The following ARHGEF38 variants were observed in gnomAD, a reference collection of about 807,000 sequenced individuals.
ARHGEF38 encodes the protein Rho guanine nucleotide exchange factor (GEF) 38.
Under a neutral mutation model 79.9 loss-of-function variants are expected in ARHGEF38, and 79 were observed. The observed-to-expected ratio is 0.99, with a 90% CI of 0.82 to 1.19. The LOEUF (loss-of-function observed/expected upper bound fraction) is 1.19, where lower values mean the gene tolerates loss of function less well. Among genes scored for constraint, ARHGEF38 ranks in the 50% most tolerant of loss-of-function variants. The pLI, the probability that ARHGEF38 is intolerant of heterozygous loss-of-function variation, is 0.00. For missense variants in ARHGEF38, 962 were observed against 907.2 expected (o/e 1.06, Z -0.78); for synonymous variants, 366 against 328.3 (o/e 1.11, Z -1.24).
At chr4:105,648,423 G>A in intron 6 of ARHGEF38, 126 bp from the exon 7 acceptor site, 1 of 871,506 alleles carries the variant, frequency 1.1e-6, no homozygotes, top group Non-Finnish European at 1.6e-6. Flanking sequence ...GGCCTCTGCA[G>A]CAGAGGCTCA....
At chr4:105,627,735 C>T (rs1338544959) in intron 3 of ARHGEF38, among the ~76,000 whole-genome samples, 1 of 152,108 alleles carries the variant, frequency 6.6e-6, no homozygotes, top group Non-Finnish European at 1.5e-5. Context: ...CCTAATCATC[C>T]CCTCAAACCC....
intron 8 of ARHGEF38, among the ~76,000 whole-genome samples, chr4:105,655,204 T>C (rs1003414517): frequency 2.0e-5 from 3 of 152,202 alleles, no homozygotes; most frequent in Non-Finnish European, 4.4e-5. Context: ...TTTCCACTAA[T>C]AGATTCAACA....
At position 105,553,170 on chromosome 4, in the gene ARHGEF38, G is replaced by A. The variant is rs1324058457; in HGVS notation, c.196+209G>A. On this transcript the variant is annotated intron_variant, in intron 1 of 13. Transcript: ENST00000420470. The stretch of plus-strand genomic sequence containing the variant: ...GATTCAATGTTAAAGAGTCAATTCC[G>A]AATTACTCTTAATATTGCTGTGTTT... Among the ~76,000 whole-genome samples the A allele has an allele frequency of 3.9e-5, 6 of 152,068 alleles. No individual in the cohort carries two copies. In the South Asian group the frequency reaches 6.2e-4, roughly 16 times the overall value.
intron 13 of ARHGEF38, among the ~76,000 whole-genome samples, chr4:105,676,168 G>T (rs1399283325): frequency 6.6e-6 from 1 of 152,156 alleles, no homozygotes; most frequent in Non-Finnish European, 1.5e-5. Flanking sequence ...ATGAAGTAAT[G>T]AAGTCATCTT....
At chr4:105,671,337 T>C (rs1448549574) in intron 13 of ARHGEF38, among the ~76,000 whole-genome samples, 1 of 152,128 alleles carries the variant, frequency 6.6e-6, no homozygotes, top group African/African-American at 2.4e-5. Flanking sequence ...CCAATAAACT[T>C]ACTGCAAGAT....
intron 2 of ARHGEF38, among the ~76,000 whole-genome samples, chr4:105,590,572 T>C (rs1457504517): frequency 4.6e-5 from 7 of 152,234 alleles, no homozygotes; most frequent in Non-Finnish European, 1.0e-4. Flanking sequence ...TGTATCTTTT[T>C]ATGAGTACTA....
rs1197375576 is a variant in ARHGEF38 at position 105,631,063 on chromosome 4, G to A, written c.656+18G>A. The A allele has an allele frequency of 6.3e-7, 1 of 1,598,132 alleles. No homozygotes were observed. Among genetic ancestry groups the A allele is most frequent in the East Asian group, 2.3e-5 (1 of 44,432 alleles). On this transcript the variant is annotated intron_variant, in intron 4 of 13. Transcript: ENST00000420470. ...TCCTTAAAGTAAGGCCTTTTCAAATGATGATTCCCATCTCCTCTCAGTTGC... is the reference window on the plus strand; with the variant it reads ...TCCTTAAAGTAAGGCCTTTTCAAATAATGATTCCCATCTCCTCTCAGTTGC...
chr4:105,580,985 GT>G (rs1403206371), intron 1 of ARHGEF38, among the ~76,000 whole-genome samples: 1 of 151,990 alleles, frequency 6.6e-6, no homozygotes, highest in East Asian at 1.9e-4. Context: ...TATTCTGTTT[GT>G]TTTTTGGTGG....
intron 3 of ARHGEF38, among the ~76,000 whole-genome samples, chr4:105,618,178 ATAAAG>A (rs1258581837): frequency 1.3e-5 from 2 of 152,226 alleles, no homozygotes; most frequent in East Asian, 1.9e-4. Flanking sequence ...TTCCTTGCTT[ATAAAG>A]TATTTTCTCA....
chr4:105,563,071 A>G (rs187911916), intron 1 of ARHGEF38, among the ~76,000 whole-genome samples: 193 of 152,266 alleles, frequency 1.3e-3, no homozygotes, highest in Non-Finnish European at 2.4e-3. Context: ...ATCTGAGATA[A>G]TTCCTAAAGA....
rs531342278 is a variant in ARHGEF38 at position 105,577,139 on chromosome 4, T to G, written c.197-12109T>G. On this transcript the variant is annotated intron_variant, in intron 1 of 13. Coordinates refer to ENST00000420470, the MANE Select transcript of ARHGEF38 (RefSeq NM_001242729.2). ...ATTATACTTTAAGTTTTAGGGTACA[T>G]GTGCACAATGTGCAGGTTAGTTACA... Among the ~76,000 whole-genome samples the G allele has an allele frequency of 2.0e-3, 302 of 151,702 alleles. 3 individuals are homozygous for G. The highest frequency in any genetic ancestry group is 7.0e-3 in the African/African-American group (290 of 41,364).
At chr4:105,633,859 A>G (rs2110521851) in intron 4 of ARHGEF38, among the ~76,000 whole-genome samples, 1 of 152,320 alleles carries the variant, frequency 6.6e-6, no homozygotes. Context: ...TTTAAATAAC[A>G]CCAGAAGCTT....
Position 105,559,050 on chromosome 4 carries a change from GA to G in ARHGEF38, c.196+6100del, listed in dbSNP as rs397820180. On this transcript the variant is annotated intron_variant, in intron 1 of 13. Transcript: ENST00000420470. ...CTTTGTTTCTGTTGACACAGGAAAAGAAAAAAAAAAACCTCTGTTTACAGAA... is the reference window on the plus strand; with the variant it reads ...CTTTGTTTCTGTTGACACAGGAAAAGAAAAAAAAAACCTCTGTTTACAGAA... Among the ~76,000 whole-genome samples the G allele has an allele frequency of 5.3e-4, 78 of 147,470 alleles. 1 individual carries two copies. In the South Asian group the frequency reaches 0.012, roughly 23 times the overall value.
chr4:105,606,069 G>A (rs1172282351), intron 2 of ARHGEF38, among the ~76,000 whole-genome samples: 1 of 152,038 alleles, frequency 6.6e-6, no homozygotes, highest in Admixed American at 6.6e-5. Flanking sequence ...TGTTGTGTGT[G>A]GAACTGTCCT....
At chr4:105,623,301 T>C (rs1333298865) in intron 3 of ARHGEF38, among the ~76,000 whole-genome samples, 2 of 152,176 alleles carry the variant, frequency 1.3e-5, no homozygotes, top group African/African-American at 2.4e-5. Flanking sequence ...CGTCACTGAG[T>C]CTGTCTGTGG....
rs576167767 is a variant in ARHGEF38, at chr4:105,564,653, C to G, written c.196+11692C>G. Among the ~76,000 whole-genome samples, 14 of 152,148 alleles carry G rather than the reference C, an allele frequency of 9.2e-5. No individual in the cohort carries two copies. In the East Asian group the frequency reaches 2.7e-3, roughly 29 times the overall value. On this transcript the variant is annotated intron_variant, in intron 1 of 13. Coordinates refer to ENST00000420470, the MANE Select transcript of ARHGEF38 (RefSeq NM_001242729.2). The stretch of plus-strand genomic sequence containing the variant: ...ATTTTATGTCCTGAATATTTTACCA[C>G]AATAAAAAATGATAAAAAAGTTTGG...
chr4:105,608,104 T>G (rs891238248), intron 2 of ARHGEF38, among the ~76,000 whole-genome samples: 1 of 152,124 alleles, frequency 6.6e-6, no homozygotes, highest in Admixed American at 6.6e-5. Context: ...ACAGCCATCT[T>G]TTAGCTGTAA....
At chr4:105,607,153 CAGGTGTAAACTAG>C (rs1292219856) in intron 2 of ARHGEF38, among the ~76,000 whole-genome samples, 1 of 152,090 alleles carries the variant, frequency 6.6e-6, no homozygotes, top group Non-Finnish European at 1.5e-5. Context: ...AGGCATGTCG[CAGGTGTAAACTAG>C]AGGAAGATTG....
At chr4:105,571,321 C>CTTTTTTTTTTTTTTTT (rs34707064) in intron 1 of ARHGEF38, among the ~76,000 whole-genome samples, 1 of 89,752 alleles carries the variant, frequency 1.1e-5, no homozygotes, top group Non-Finnish European at 2.2e-5. Flanking sequence ...TTTTCTTTTT[C>CTTTTTTTTTTTTTTTT]TTTTTTTTTT....
Sources: allele counts gnomAD v4.1 joint callset (sites outside exome capture counted in the v4.1 genomes callset), GRCh38; gene constraint gnomAD v4.1.1; transcripts MANE v1.5; gene names NCBI Gene and HGNC (gene_info 2026-07-23, HGNC 2026-07-21).